GFRA4: variants seen among roughly 807,000 people sequenced by gnomAD.
GFRA4 encodes GDNF family receptor alpha 4, also known as GDNF family receptor alpha-4.
A neutral mutation model predicts 28.5 loss-of-function variants in GFRA4; 31 were observed. The ratio of observed to expected loss-of-function variants is 1.09; its 90% CI spans 0.82 to 1.47. The LOEUF (loss-of-function observed/expected upper bound fraction) is 1.47. Among genes scored for constraint, GFRA4 ranks in the 40% most tolerant of loss-of-function variants. The pLI, the probability that GFRA4 is intolerant of heterozygous loss-of-function variation, is 0.00. For synonymous variants in GFRA4, 188 were observed against 188.0 expected (o/e 1.00, Z 0.00); for missense variants, 389 against 413.2 (o/e 0.94, Z 0.51).
chr20:3,660,369 G>A (rs2087204401), intron 4 of GFRA4, 120 bp from the exon 5 acceptor site: 1 of 1,056,984 alleles, frequency 9.5e-7, no homozygotes. Context: ...GAAGGTGTGT[G>A]GTGAGGAATA....
In GFRA4 at chr20:3,660,306, G is replaced by C. The variant is rs2087203730; in HGVS notation, c.638-57C>G. 4 of 1,405,118 alleles carry C rather than the reference G, an allele frequency of 2.8e-6. No individual in the cohort carries two copies. In the East Asian group the frequency reaches 9.6e-5, roughly 34 times the overall value. The allele number at this position is 1,405,118 out of a possible 1,614,324, so 87.0% of individuals were successfully genotyped here. A position where few individuals can be genotyped will look rare whatever the true frequency, so the allele number is the denominator to read the frequency against. ...CTGGGAAACCCTAGCACAGGGCTCA[G>C]CACAGGGGACAAAGTGAGAGACCCC... is the stretch of plus-strand genomic sequence containing the variant. On this transcript the variant is annotated intron_variant, in intron 4 of 5. Transcript: ENST00000290417.
At position 3,661,285 on chromosome 20, in the gene GFRA4, C is replaced by A. The variant is rs61748817; in HGVS notation, c.51G>T (p.Ser17=). The change falls in exon 2 of 6, where the codon TCG becomes TCT. Residue 17 remains serine, a synonymous_variant. Coordinates refer to ENST00000290417, the MANE Select transcript of GFRA4 (RefSeq NM_022139.4). ...ATCGGTTCCCTCCGACCGAGCTCGC[C>A]GACCCTGGGAAAGGCGCGGGGAGGC... ...PALLLLLLLG[S]ASSVGGNRCV... is the part of the protein sequence containing the mutation. 2,813 of 1,464,576 alleles carry A rather than the reference C, an allele frequency of 1.9e-3. 43 individuals carry two copies. The African/African-American group carries it at 0.037, about 19-fold the overall frequency. 90.7% of individuals were successfully genotyped at this position (1,464,576 alleles called of 1,614,324 possible). A position where few individuals can be genotyped will look rare whatever the true frequency, so the allele number is the denominator to read the frequency against.
In GFRA4 at chr20:3,663,234, A is replaced by G. The variant is rs893166308; in HGVS notation, c.46+120T>C. On this transcript the variant is annotated intron_variant, in intron 1 of 5. Transcript: ENST00000290417. ...CCCAAGCCGTGCGCACAGGCCTCTC[A>G]CTGGCAACCCTTCCTGTGGTTCAGC... is the stretch of plus-strand genomic sequence containing the variant. 20 of 1,253,330 alleles carry G rather than the reference A, an allele frequency of 1.6e-5. No individual in the cohort carries two copies. The African/African-American group carries it at 2.8e-4, about 18-fold the overall frequency. 77.6% of individuals were successfully genotyped at this position (1,253,330 alleles called of 1,614,324 possible). A position where few individuals can be genotyped will look rare whatever the true frequency, so the allele number is the denominator to read the frequency against.
chr20:3,660,185 C>G lies in GFRA4; in HGVS notation c.702G>C (p.Gln234His), dbSNP rs544481488. The change falls in exon 5 of 6, where the codon CAG (glutamine) becomes CAC (histidine). Residue 234 changes from glutamine to histidine, a missense_variant. Gln to His is a conservative substitution (Grantham distance 24). Transcript: ENST00000290417. Reference sequence around the variant, plus strand: ...GCAGGAGGCTGTGCTCCGGGTCTCCCTGGGGGTTCAGCTGGTCCAGCAGGA... The same window carrying G: ...GCAGGAGGCTGTGCTCCGGGTCTCCGTGGGGGTTCAGCTGGTCCAGCAGGA... ...PPVLLDQLNP[Q>H]GDPEHSLLQV... 1.6e-5 allele frequency: 26 copies of G among 1,598,846 alleles called. No individual in the cohort carries two copies. The highest frequency in any genetic ancestry group is 2.1e-5 in the Non-Finnish European group (25 of 1,173,814).
Position 3,661,079 on chromosome 20 carries a change from C to T in GFRA4, c.257G>A (p.Cys86Tyr). The change falls in exon 2 of 6, where the codon TGC becomes TAC. Residue 86 changes from cysteine (C) to tyrosine (Y), a missense_variant. Coordinates refer to ENST00000290417, the MANE Select transcript of GFRA4 (RefSeq NM_022139.4). ...GGCGCACGCGGGGCCCGCGCACGGGCAGAAGAGCAGTGCGTGGGTGAGCGC... is the reference window on the plus strand; with the variant it reads ...GGCGCACGCGGGGCCCGCGCACGGGTAGAAGAGCAGTGCGTGGGTGAGCGC... ...PPALTHALLF[C>Y]PCAGPACAER... 11 of 1,433,836 alleles carry T rather than the reference C, an allele frequency of 7.7e-6. No individual in the cohort carries two copies. The highest frequency in any genetic ancestry group is 1.0e-5 in the Non-Finnish European group (11 of 1,101,368). The allele number at this position is 1,433,836 out of a possible 1,614,324, so 88.8% of individuals were successfully genotyped here.
rs1229679979 is a variant in GFRA4 at position 3,661,093 on chromosome 20, G to A, written c.243C>T (p.His81=). The part of the protein sequence containing the change: ...FFARGPPALT[H]ALLFCPCAGP... ...CCGCGCACGGGCAGAAGAGCAGTGC[G>A]TGGGTGAGCGCGGGCGGCCCGCGGG... is the stretch of plus-strand genomic sequence containing the variant. Residue 81 remains histidine, a synonymous_variant, in exon 2 of 6, where the codon CAC becomes CAT. Coordinates refer to ENST00000290417, the MANE Select transcript of GFRA4 (RefSeq NM_022139.4). 7.5e-7 allele frequency: 1 copy of A among 1,338,126 alleles called. No homozygotes were observed. 82.9% of individuals were successfully genotyped at this position (1,338,126 alleles called of 1,614,324 possible).
intron 1 of GFRA4, among the ~76,000 whole-genome samples, chr20:3,662,187 AC>A (rs1209088244): frequency 1.3e-5 from 2 of 152,056 alleles, no homozygotes; most frequent in Non-Finnish European, 2.9e-5. Flanking sequence ...GGTGCCTGGC[AC>A]CCCAGTCACA....
intron 4 of GFRA4, 125 bp from the exon 5 acceptor site, chr20:3,660,374 G>T (rs568726772): frequency 3.7e-6 from 4 of 1,067,772 alleles, no homozygotes; most frequent in Non-Finnish European, 5.4e-6. Flanking sequence ...TGTGTGGTGA[G>T]GAATAACAAA....
chr20:3,660,132 G>A, intron 5 of GFRA4, 26 bp downstream of exon 5: 1 of 1,547,688 alleles, frequency 6.5e-7, no homozygotes, highest in Non-Finnish European at 8.8e-7. Flanking sequence ...GGAGGTGCCA[G>A]CTCACCCTCC....
At chr20:3,660,497 C>T in intron 4 of GFRA4, 29 bp downstream of exon 4, 1 of 1,397,024 alleles carries the variant, frequency 7.2e-7, no homozygotes, top group Non-Finnish European at 9.9e-7. Context: ...CGCCCCCACT[C>T]CCCCTCCACT....
intron 4 of GFRA4, 88 bp downstream of exon 4, chr20:3,660,438 C>T (rs2087205162): frequency 1.5e-6 from 2 of 1,328,246 alleles, no homozygotes; most frequent in East Asian, 5.1e-5. Context: ...TCCATTCTCC[C>T]CTCTAAAATG....
Position 3,661,120 on chromosome 20 carries a change from G to A in GFRA4, c.216C>T (p.Phe72=). Residue 72 remains phenylalanine (F), a synonymous_variant, in exon 2 of 6, where the codon TTC becomes TTT. Transcript: ENST00000290417. The part of the protein sequence containing the change: ...ARCRRALRRF[F]ARGPPALTHA... The stretch of plus-strand genomic sequence containing the variant: ...GGGTGAGCGCGGGCGGCCCGCGGGC[G>A]AAGAAGCGGCGCAGGGCCCGGCGGC... 7.6e-7 allele frequency: 1 copy of A among 1,310,042 alleles called. No individual in the cohort carries two copies. Among genetic ancestry groups the A allele is most frequent in the South Asian group, 2.3e-5 (1 of 43,428 alleles). 81.2% of individuals were successfully genotyped at this position (1,310,042 alleles called of 1,614,324 possible). A position where few individuals can be genotyped will look rare whatever the true frequency, so the allele number is the denominator to read the frequency against.
intron 1 of GFRA4, 106 bp downstream of exon 1, chr20:3,663,248 C>T: frequency 7.2e-7 from 1 of 1,387,192 alleles, no homozygotes. Context: ...GCAACCCTTC[C>T]TGTGGTTCAG....
rs2146338006 is a variant in GFRA4, at chr20:3,660,812, CG to C, written c.444del (p.Asp149ThrfsTer31). 4 of 1,415,188 alleles carry C rather than the reference CG, an allele frequency of 2.8e-6. No homozygotes were observed. Among genetic ancestry groups the C allele is most frequent in the East Asian group, 2.9e-5 (1 of 35,078 alleles). 87.7% of individuals were successfully genotyped at this position (1,415,188 alleles called of 1,614,324 possible). On this transcript the variant is annotated frameshift_variant, in exon 3 of 6. Coordinates refer to ENST00000290417, the MANE Select transcript of GFRA4 (RefSeq NM_022139.4). LOFTEE classifies it high-confidence loss of function. ...GCGCCCTGGTCCAGCAGGCAGCCGT[CG>C]GGGGCGCTGGGCGCTGGGGTGCACG... Reference protein sequence around the residue: ...QVSCTPAPSAPDGCLLDQGAR... With the variant: ...QVSCTPAPSAXDGCLLDQGAR...
rs558807968 is a variant in GFRA4 at position 3,660,064 on chromosome 20, C to T, written c.730-75G>A. 31 of 1,514,688 alleles carry T rather than the reference C, an allele frequency of 2.0e-5. No homozygotes were observed. The African/African-American group carries it at 4.0e-4, about 20-fold the overall frequency. The allele number at this position is 1,514,688 out of a possible 1,614,324, so 93.8% of individuals were successfully genotyped here. ...CCTCTGCCTGCACCCCCACCCCAGGCCCTTCATGCCTCCACCCAGGCCCAC... is the reference window on the plus strand; with the variant it reads ...CCTCTGCCTGCACCCCCACCCCAGGTCCTTCATGCCTCCACCCAGGCCCAC... On this transcript the variant is annotated intron_variant, in intron 5 of 5. Coordinates refer to ENST00000290417, the MANE Select transcript of GFRA4 (RefSeq NM_022139.4).
At chr20:3,663,026 G>T (rs992679431) in intron 1 of GFRA4, among the ~76,000 whole-genome samples, 2 of 152,212 alleles carry the variant, frequency 1.3e-5, no homozygotes, top group Non-Finnish European at 2.9e-5. Context: ...CAAGGAATCT[G>T]TGTGATGGGT....
chr20:3,659,965 CCAGGG>C lies in GFRA4; in HGVS notation c.749_753del (p.Ala250GlyfsTer81). 1 of 1,589,922 alleles carries C rather than the reference CCAGGG, an allele frequency of 6.3e-7. No homozygotes were observed. Among genetic ancestry groups the C allele is most frequent in the South Asian group, 1.2e-5 (1 of 86,876 alleles). On this transcript the variant is annotated frameshift_variant, in exon 6 of 6. Transcript: ENST00000290417. LOFTEE classifies it low-confidence loss of function (END_TRUNC). ...AGTATGGAGAGCAGGGAGCGTCTCT[CCAGGG>C]CCCTGCCTGTGGAGGACACCTTGGG... is the stretch of plus-strand genomic sequence containing the variant.
chr20:3,662,847 C>T (rs915867562), intron 1 of GFRA4, among the ~76,000 whole-genome samples: 4 of 152,206 alleles, frequency 2.6e-5, no homozygotes, highest in African/African-American at 9.7e-5. Flanking sequence ...CCAGTCTCCA[C>T]CCTCACAGCA....
Position 3,659,792 on chromosome 20 carries a change from A to G in GFRA4, c.*117T>C. The G allele has an allele frequency of 2.0e-6, 2 of 983,744 alleles. No homozygotes were observed. Among genetic ancestry groups the G allele is most frequent in the Non-Finnish European group, 3.1e-6 (2 of 651,988 alleles). The allele number at this position is 983,744 out of a possible 1,614,324, so 60.9% of individuals were successfully genotyped here. A position where few individuals can be genotyped will look rare whatever the true frequency, so the allele number is the denominator to read the frequency against. ...CTACAAAGGGCAGCGGAGTGAAAGC[A>G]CCAGGGCCGGCTTGGGGGGTAAGCC... is the stretch of plus-strand genomic sequence containing the variant. On this transcript the variant is annotated 3_prime_UTR_variant, in exon 6 of 6. Transcript: ENST00000290417.
Sources: allele counts gnomAD v4.1 joint callset (sites outside exome capture counted in the v4.1 genomes callset), GRCh38; gene constraint gnomAD v4.1.1; transcripts MANE v1.5; gene names NCBI Gene and HGNC (gene_info 2026-07-23, HGNC 2026-07-21).